TRPM3: variants seen among roughly 807,000 people sequenced by gnomAD.
TRPM3 encodes long transient receptor potential channel 3.
TRPM3 carries 77 observed loss-of-function variants against 181.2 expected under a neutral mutation model. That is an observed-to-expected ratio of 0.42 (90% CI 0.35 to 0.51). TRPM3 has a LOEUF of 0.51. TRPM3 is among the 20% of genes least tolerant of loss of function. The pLI, the probability that TRPM3 is intolerant of heterozygous loss-of-function variation, is 0.01. For missense variants in TRPM3, 1,759 were observed against 2,196.7 expected, an observed-to-expected ratio of 0.80 and a Z score of 3.98; for synonymous variants, 745 against 796.4, an observed-to-expected ratio of 0.94 and a Z score of 1.09.
chr9:70,854,576 A>T (rs2095334714), intron 3 of TRPM3, among the ~76,000 whole-genome samples: 1 of 152,126 alleles, frequency 6.6e-6, no homozygotes, highest in Non-Finnish European at 1.5e-5. Flanking sequence ...CCTTGGAGTT[A>T]TCTGGGGAGT....
rs147624065 is a variant in TRPM3 at position 71,194,904 on chromosome 9, C to T, written c.183+251749G>A. ...ACCAAAATCTATACTGCAAAAAACA[C>T]CAAGAATAATCACTTTGAATCAATT... is the stretch of plus-strand genomic sequence containing the variant. On this transcript the variant is annotated intron_variant, in intron 1 of 24. Transcript: ENST00000357533. Among the ~76,000 whole-genome samples, 252 of 151,858 alleles carry T rather than the reference C, an allele frequency of 1.7e-3. 2 individuals carry two copies. Among genetic ancestry groups the T allele is most frequent in the Non-Finnish European group, 3.1e-3 (211 of 67,900 alleles).
chr9:70,901,602 A>G (rs1042827552), intron 1 of TRPM3, among the ~76,000 whole-genome samples: 3 of 152,260 alleles, frequency 2.0e-5, no homozygotes, highest in Non-Finnish European at 4.4e-5. Flanking sequence ...CAATAAATAT[A>G]TTTCCAAATA....
intron 1 of TRPM3, chr9:70,917,562 A>ATTTTTTTTTTTTTTTTTTTTTTTTTTTTT: frequency 1.6e-6 from 1 of 612,864 alleles, no homozygotes; most frequent in Non-Finnish European, 3.0e-6. Flanking sequence ...AACAGTGTTA[A>ATTTTTTTTTTTTTTTTTTTTTTTTTTTTT]GTTGTTATAT....
chr9:70,752,825 A>G (rs764742229), intron 8 of TRPM3, among the ~76,000 whole-genome samples: 14 of 152,200 alleles, frequency 9.2e-5, no homozygotes, highest in Non-Finnish European at 1.8e-4. Context: ...ATTACACTCT[A>G]TGGGCTGGGA....
chr9:70,678,702 G>A (rs1283011430), intron 9 of TRPM3, among the ~76,000 whole-genome samples: 1 of 152,064 alleles, frequency 6.6e-6, no homozygotes. Flanking sequence ...AATAAAAACT[G>A]GATTGCACAA....
intron 1 of TRPM3, among the ~76,000 whole-genome samples, chr9:70,867,137 T>A (rs1269672603): frequency 2.6e-5 from 4 of 152,012 alleles, no homozygotes; most frequent in Admixed American, 6.6e-5. Context: ...AGTCCCCACA[T>A]GCGCAGGAAT....
At chr9:71,067,674 G>A (rs1004120617) in intron 1 of TRPM3, among the ~76,000 whole-genome samples, 1 of 152,182 alleles carries the variant, frequency 6.6e-6, no homozygotes, top group African/African-American at 2.4e-5. Flanking sequence ...TTAGGACAGT[G>A]GTTAGCATAA....
At chr9:70,650,582 TTTG>T (rs1172411902) in intron 9 of TRPM3, among the ~76,000 whole-genome samples, 1 of 152,192 alleles carries the variant, frequency 6.6e-6, no homozygotes, top group Admixed American at 6.5e-5. Flanking sequence ...ATTTTAAAAA[TTTG>T]TTTTGATTCA....
chr9:71,155,481 T>TTTTTATTTTATTTCATTTTATTTTA (rs2075949488), intron 1 of TRPM3, among the ~76,000 whole-genome samples: 2 of 128,906 alleles, frequency 1.6e-5, no homozygotes. Flanking sequence ...ACCATGCTTA[T>TTTTTATTTTATTTCATTTTATTTTA]TTTTATTTTA....
intron 1 of TRPM3, among the ~76,000 whole-genome samples, chr9:70,992,120 T>C (rs2097492538): frequency 6.6e-6 from 1 of 152,180 alleles, no homozygotes; most frequent in South Asian, 2.1e-4. Flanking sequence ...ACAAGTTACT[T>C]CCTTTAAAAG....
chr9:70,596,654 C>T lies in TRPM3; in HGVS notation c.3048+1765G>A, dbSNP rs542832222. On this transcript the variant is annotated intron_variant, in intron 21 of 25. Transcript: ENST00000677713. Reference sequence around the variant, plus strand: ...GTTGAGGCAGGAGAATTGCTAGAACCCAGGAGGCAGAGGTGGCACCACTGC... The same window carrying T: ...GTTGAGGCAGGAGAATTGCTAGAACTCAGGAGGCAGAGGTGGCACCACTGC... Among the ~76,000 whole-genome samples, 160 of 151,450 alleles carry T rather than the reference C, an allele frequency of 1.1e-3. 1 individual carries two copies. The highest frequency in any genetic ancestry group is 3.8e-3 in the African/African-American group (158 of 41,262).
chr9:70,891,434 T>A (rs1225097656), intron 1 of TRPM3, among the ~76,000 whole-genome samples: 2 of 152,128 alleles, frequency 1.3e-5, no homozygotes, highest in Non-Finnish European at 1.5e-5. Flanking sequence ...AACATAGAGT[T>A]AAATGCCAGA....
At chr9:71,287,183 A>ATAG (rs1295708407) in intron 1 of TRPM3, among the ~76,000 whole-genome samples, 1 of 148,994 alleles carries the variant, frequency 6.7e-6, no homozygotes, top group Non-Finnish European at 1.5e-5. Context: ...ACATAATAAG[A>ATAG]TAGTATCGGG....
chr9:71,167,266 C>A (rs986145043), intron 1 of TRPM3, among the ~76,000 whole-genome samples: 1 of 152,156 alleles, frequency 6.6e-6, no homozygotes, highest in Non-Finnish European at 1.5e-5. Flanking sequence ...TAGATGATTT[C>A]TTCATTTATC....
intron 1 of TRPM3, among the ~76,000 whole-genome samples, chr9:71,358,088 C>T (rs1364630718): frequency 6.6e-6 from 1 of 152,020 alleles, no homozygotes; most frequent in Non-Finnish European, 1.5e-5. Flanking sequence ...CTCAAAAGAA[C>T]CTACATACTG....
chr9:71,423,017 A>T (rs1369611513), intron 1 of TRPM3, among the ~76,000 whole-genome samples: 2 of 152,044 alleles, frequency 1.3e-5, no homozygotes, highest in Non-Finnish European at 2.9e-5. Context: ...TAAACTGACA[A>T]ATGTGTTCTA....
intron 1 of TRPM3, among the ~76,000 whole-genome samples, chr9:71,084,052 CAGA>C (rs1215337091): frequency 6.6e-6 from 1 of 151,858 alleles, no homozygotes; most frequent in African/African-American, 2.4e-5. Context: ...AGGGATTCTA[CAGA>C]AGAAGGAGAT....
chr9:70,921,942 A>ACACACACACACAC lies in TRPM3; in HGVS notation c.178-57432_178-57431insGTGTGTGTGTGTG, dbSNP rs1554770509. Among the ~76,000 whole-genome samples the ACACACACACACAC allele has an allele frequency of 1.2e-3, 172 of 139,502 alleles. 1 individual carries two copies. The highest frequency in any genetic ancestry group is 3.9e-3 in the African/African-American group (145 of 36,744). The allele number at this position is 139,502 out of a possible 152,430, so 91.5% of individuals were successfully genotyped here. A position where few individuals can be genotyped will look rare whatever the true frequency, so the allele number is the denominator to read the frequency against. The stretch of plus-strand genomic sequence containing the variant: ...ATACACACACACACACACACAAACA[A>ACACACACACACAC]ACACACACACACACACACACACACA... On this transcript the variant is annotated intron_variant, in intron 1 of 25. Transcript: ENST00000677713.
chr9:71,315,470 T>A lies in TRPM3; in HGVS notation c.183+131183A>T, dbSNP rs954596653. ...TTCCCATGACACGAACTTATCTTTC[T>A]ACTCTGTCTAGATCCCTGCTTTACT... On this transcript the variant is annotated intron_variant, in intron 1 of 24. Coordinates refer to the TRPM3 transcript ENST00000357533. Among the ~76,000 whole-genome samples, 6 of 152,186 alleles carry A rather than the reference T, an allele frequency of 3.9e-5. No homozygotes were observed. In the South Asian group the frequency reaches 1.2e-3, roughly 32 times the overall value.
Sources: allele counts gnomAD v4.1 joint callset (sites outside exome capture counted in the v4.1 genomes callset), GRCh38; gene constraint gnomAD v4.1.1; transcripts MANE v1.5; gene names NCBI Gene and HGNC (gene_info 2026-07-23, HGNC 2026-07-21).